Variants in DST observed in about 807,000 individuals in gnomAD.
DST encodes the protein bullous pemphigoid antigen.
A neutral mutation model predicts 875.2 loss-of-function variants in DST; 253 were observed. The ratio of observed to expected loss-of-function variants is 0.29; its 90% CI spans 0.26 to 0.32. The LOEUF (loss-of-function observed/expected upper bound fraction) is 0.32, where lower values mean the gene tolerates loss of function less well. DST is among the 10% of genes least tolerant of loss of function. DST has a pLI of 1.00. For synonymous variants in DST, 3,124 were observed against 3,197.1 expected, an observed-to-expected ratio of 0.98 and a Z score of 0.77; for missense variants, 8,287 against 9,111.6, an observed-to-expected ratio of 0.91 and a Z score of 3.68.
intron 2 of DST, chr6:56,945,971 T>G (rs111959698): frequency 2.6e-5 from 4 of 152,248 alleles, no homozygotes; most frequent in African/African-American, 9.6e-5. Context: ...AAAATTAAAT[T>G]GTGATGATGG....
At chr6:56,914,468 G>T (rs1800016921) in intron 2 of DST, among the ~76,000 whole-genome samples, 1 of 152,192 alleles carries the variant, frequency 6.6e-6, no homozygotes, top group South Asian at 2.1e-4. Flanking sequence ...ACAGGGAAGG[G>T]CTAGTGATTG....
At position 56,609,359 on chromosome 6, in the gene DST, C is replaced by T. The variant is rs374070433; in HGVS notation, c.5284-15G>A. ...ACTTTATCCAGCTGAAAGGAAAATG[C>T]AAAAATCTCAGGTCACTCTGTTACA... is the stretch of plus-strand genomic sequence containing the variant. On this transcript the variant is annotated splice_polypyrimidine_tract_variant and intron_variant, in intron 39 of 103. Transcript: ENST00000680361. 54 of 1,563,414 alleles carry T rather than the reference C, an allele frequency of 3.5e-5. No homozygotes were observed. The African/African-American group carries it at 4.0e-4, about 12-fold the overall frequency.
At position 56,492,424 on chromosome 6, in the gene DST, T is replaced by G. The variant is rs765658361; in HGVS notation, c.20560A>C (p.Asn6854His). ...TGCTCACGATGAGAATTTACTTCAT[T>G]GGCAAAAACCTTTCCCAGAAAAAAA... ...FQIDEHKVFANEVNSHREQII... is the reference protein window; with the variant it reads ...FQIDEHKVFAHEVNSHREQII... The change falls in exon 85 of 104, where the codon AAT becomes CAT. Residue 6854 changes from asparagine to histidine, a missense_variant. Asn to His is a moderately conservative substitution (Grantham distance 68). Around this residue, in one of 10 missense-constraint regions of DST, gnomAD observed 1,292 missense variants for 1,552.7 expected, o/e 0.83. Transcript: ENST00000680361. The G allele has an allele frequency of 1.6e-5, 26 of 1,609,802 alleles. No homozygotes were observed. The highest frequency in any genetic ancestry group is 2.2e-5 in the East Asian group (1 of 44,862).
chr6:56,541,217 G>C (rs533996004), intron 61 of DST: 1 of 152,582 alleles, frequency 6.6e-6, no homozygotes, highest in Non-Finnish European at 1.5e-5. Context: ...TAATCCTGTG[G>C]TTCGAATGAT....
At chr6:56,612,186 C>T (rs1425250638) in intron 37 of DST, among the ~76,000 whole-genome samples, 4 of 152,086 alleles carry the variant, frequency 2.6e-5, no homozygotes, top group African/African-American at 9.7e-5. Flanking sequence ...GCCTGAGCAA[C>T]ATGGTGAAAT....
intron 5 of DST, among the ~76,000 whole-genome samples, chr6:56,719,991 C>T (rs529480746): frequency 2.0e-5 from 3 of 152,338 alleles, no homozygotes; most frequent in African/African-American, 7.2e-5. Context: ...ACACCACTGT[C>T]ACTGATAACA....
At position 56,605,818 on chromosome 6, in the gene DST, G is replaced by T. The variant is rs1185186278; in HGVS notation, c.8810C>A (p.Ala2937Glu). 3 of 1,612,230 alleles carry T rather than the reference G, an allele frequency of 1.9e-6. No individual in the cohort carries two copies. The highest frequency in any genetic ancestry group is 2.5e-6 in the Non-Finnish European group (3 of 1,179,150). ...ATTATTATTATCATGTGAAATACTT[G>T]CAGGGCCAAAAGTTTTTTCAGATTC... ...DTESEKTFGP[A>E]SISHDNNNIS... Residue 2937 changes from alanine to glutamate, a missense_variant, in exon 40 of 104, where the codon GCA (alanine) becomes GAA (glutamate). Physicochemically the swap from Ala to Glu is moderately radical, Grantham distance 107. Around this residue, in one of 10 missense-constraint regions of DST, gnomAD observed 3,138 missense variants for 3,116.6 expected, o/e 1.01. Coordinates refer to ENST00000680361, the MANE Select transcript of DST (RefSeq NM_001374736.1).
chr6:56,641,505 C>G (rs1309712204), intron 17 of DST, among the ~76,000 whole-genome samples: 1 of 151,946 alleles, frequency 6.6e-6, no homozygotes, highest in Non-Finnish European at 1.5e-5. Context: ...TGAGAATCGC[C>G]TGAACCCAGG....
chr6:56,654,613 C>A (rs6903517), intron 10 of DST, among the ~76,000 whole-genome samples: 1 of 139,492 alleles, frequency 7.2e-6, no homozygotes, highest in East Asian at 2.5e-4. Flanking sequence ...TATCTCCACA[C>A]GTATATATAC....
intron 2 of DST, among the ~76,000 whole-genome samples, chr6:56,939,917 T>G (rs949403933): frequency 2.0e-5 from 3 of 151,782 alleles, no homozygotes; most frequent in Non-Finnish European, 4.4e-5. Flanking sequence ...TCCCACCTAC[T>G]CAGGAGGCTC....
intron 9 of DST, among the ~76,000 whole-genome samples, chr6:56,672,505 C>CA (rs1290588655): frequency 6.6e-6 from 1 of 151,534 alleles, no homozygotes; most frequent in Non-Finnish European, 1.5e-5. Context: ...TTTTATGTGA[C>CA]AAAAAACAGC....
At position 56,557,531 on chromosome 6, in the gene DST, A is replaced by G. The variant is rs771937687; in HGVS notation, c.14441-13T>C. ...TGCCACTTAGAATCTAAAAGAAAAA[A>G]AATGAAACTGGTGTTTGACATTTTT... is the stretch of plus-strand genomic sequence containing the variant. On this transcript the variant is annotated splice_polypyrimidine_tract_variant and intron_variant, in intron 58 of 103. Transcript: ENST00000680361. 6.9e-6 allele frequency: 11 copies of G among 1,593,242 alleles called. No individual in the cohort carries two copies. Among genetic ancestry groups the G allele is most frequent in the Non-Finnish European group, 9.4e-6 (11 of 1,167,772 alleles).
At chr6:56,710,720 T>A (rs2099359906) in intron 5 of DST, among the ~76,000 whole-genome samples, 1 of 152,198 alleles carries the variant, frequency 6.6e-6, no homozygotes. Context: ...TATCTAAAGT[T>A]GTTTTTTCAT....
At chr6:56,923,395 T>C (rs1331038322) in intron 2 of DST, among the ~76,000 whole-genome samples, 2 of 133,008 alleles carry the variant, frequency 1.5e-5, no homozygotes, top group Non-Finnish European at 3.1e-5. Context: ...AAAGTACTTA[T>C]TTGGGAATTT....
intron 5 of DST, among the ~76,000 whole-genome samples, chr6:56,730,418 G>A (rs1470086251): frequency 1.3e-5 from 2 of 151,906 alleles, no homozygotes; most frequent in Non-Finnish European, 2.9e-5. Flanking sequence ...TTAACTCATA[G>A]GTGCCATTTC....
chr6:56,614,294 T>C (rs2098589673), intron 37 of DST, 62 bp downstream of exon 37: 3 of 1,440,982 alleles, frequency 2.1e-6, no homozygotes, highest in Admixed American at 4.3e-5. Flanking sequence ...AGGTAAACTG[T>C]GTCAACTCAG....
At position 56,608,624 on chromosome 6, in the gene DST, C is replaced by G; in HGVS notation, c.6004G>C (p.Gly2002Arg). ...GCTTCTTCAACAGTCATTCTTTGGC[C>G]AGAGTTGGAATTGATCAGACCTCCA... ...LSGGLINSNS[G>R]QRMTVEEAVR... The change falls in exon 40 of 104, where the codon GGC becomes CGC. Residue 2002 changes from glycine (G) to arginine (R), a missense_variant. Coordinates refer to ENST00000680361, the MANE Select transcript of DST (RefSeq NM_001374736.1). The G allele has an allele frequency of 6.2e-7, 1 of 1,613,336 alleles. No individual in the cohort carries two copies. The highest frequency in any genetic ancestry group is 8.5e-7 in the Non-Finnish European group (1 of 1,179,638).
At chr6:56,479,671 C>G (rs1044126810) in intron 90 of DST, among the ~76,000 whole-genome samples, 11 of 152,152 alleles carry the variant, frequency 7.2e-5, no homozygotes, top group Non-Finnish European at 1.3e-4. Context: ...TGAAGTAACT[C>G]AAACAGAAAA....
intron 49 of DST, among the ~76,000 whole-genome samples, chr6:56,590,340 T>C (rs1440120693): frequency 6.6e-6 from 1 of 152,200 alleles, no homozygotes; most frequent in African/African-American, 2.4e-5. Context: ...AAATTACTTT[T>C]ATATGCAGTA....
Sources: allele counts gnomAD v4.1 joint callset (sites outside exome capture counted in the v4.1 genomes callset), GRCh38; gene constraint gnomAD v4.1.1; regional missense constraint gnomAD v4.1.1; transcripts MANE v1.5; gene names NCBI Gene and HGNC (gene_info 2026-07-23, HGNC 2026-07-21).